AEBP2: variants seen among roughly 807,000 people sequenced by gnomAD.
The protein encoded by AEBP2 is zinc finger protein AEBP2.
AEBP2 carries 10 observed loss-of-function variants against 50.8 expected under a neutral mutation model. That is an observed-to-expected ratio of 0.20 (90% CI 0.12 to 0.33). AEBP2 has a LOEUF of 0.33. AEBP2 is among the 10% of genes least tolerant of loss of function. The pLI, the probability that AEBP2 is intolerant of heterozygous loss-of-function variation, is 1.00. For synonymous variants in AEBP2, 296 were observed against 261.3 expected (o/e 1.13, Z -1.28); for missense variants, 570 against 688.0 (o/e 0.83, Z 1.92).
chr12:19,454,239 A>AT (rs1463533785), intron 1 of AEBP2, among the ~76,000 whole-genome samples: 4 of 152,142 alleles, frequency 2.6e-5, no homozygotes, highest in African/African-American at 9.7e-5. Context: ...AGGACGTTTT[A>AT]TTTGGAAGAC....
At chr12:19,415,023 C>G (rs984457689) in intron 1 of AEBP2, among the ~76,000 whole-genome samples, 2 of 151,428 alleles carry the variant, frequency 1.3e-5, no homozygotes, top group African/African-American at 2.4e-5. Flanking sequence ...ACTTTTCTAT[C>G]TATATGGATA....
chr12:19,456,626 T>C, intron 1 of AEBP2: 2 of 1,525,998 alleles, frequency 1.3e-6, no homozygotes, highest in South Asian at 2.2e-5. Flanking sequence ...AGCCAGCCGC[T>C]TCCATTGGTG....
rs142799569 is a variant in AEBP2, at chr12:19,518,862, A to G, written c.*745A>G. 63 of 501,044 alleles carry G rather than the reference A, an allele frequency of 1.3e-4. No homozygotes were observed. Among genetic ancestry groups the G allele is most frequent in the East Asian group, 1.1e-3 (32 of 27,868 alleles). The allele number at this position is 501,044 out of a possible 1,614,324, so 31.0% of individuals were successfully genotyped here. A position where few individuals can be genotyped will look rare whatever the true frequency, so the allele number is the denominator to read the frequency against. On this transcript the variant is annotated 3_prime_UTR_variant, in exon 8 of 8. Coordinates refer to ENST00000266508, the MANE Select transcript of AEBP2 (RefSeq NM_153207.5). ...GTACAGTATGTTAATATTTACCTAT[A>G]TAACTAATCTGTTAACGGTTTTTGA...
intron 1 of AEBP2, among the ~76,000 whole-genome samples, chr12:19,423,513 G>A (rs1371793203): frequency 6.6e-6 from 1 of 152,134 alleles, no homozygotes; most frequent in African/African-American, 2.4e-5. Context: ...TAATACATTT[G>A]GAATAATCTG....
chr12:19,456,702 T>C, intron 1 of AEBP2: 1 of 1,581,848 alleles, frequency 6.3e-7, no homozygotes, highest in African/African-American at 1.3e-5. Flanking sequence ...ATTCTTGACA[T>C]TGAAGCCCAC....
At chr12:19,415,350 A>AATATATATATATATATATATATAT (rs1565694765) in intron 1 of AEBP2, among the ~76,000 whole-genome samples, 1 of 28,512 alleles carries the variant, frequency 3.5e-5, no homozygotes. Context: ...AAAAAAAAAA[A>AATATATATATATATATATATATAT]ATATATATAT....
chr12:19,454,505 G>C (rs886478477), intron 1 of AEBP2, among the ~76,000 whole-genome samples: 3 of 152,148 alleles, frequency 2.0e-5, no homozygotes, highest in Admixed American at 6.5e-5. Flanking sequence ...CTTAAATTAG[G>C]GTGGTAGAAA....
At chr12:19,497,895 A>G (rs143113402) in intron 4 of AEBP2, among the ~76,000 whole-genome samples, 1 of 152,238 alleles carries the variant, frequency 6.6e-6, no homozygotes, top group Non-Finnish European at 1.5e-5. Flanking sequence ...CAAAATTGCC[A>G]AGAAGGAATA....
intron 1 of AEBP2, chr12:19,440,807 T>TATCCA: frequency 6.6e-7 from 1 of 1,511,436 alleles, no homozygotes; most frequent in African/African-American, 1.4e-5. Context: ...TGGTCTCGCC[T>TATCCA]GGATTTAACA....
chr12:19,484,184 A>G (rs114001498), intron 3 of AEBP2, among the ~76,000 whole-genome samples: 130 of 151,308 alleles, frequency 8.6e-4, no homozygotes, highest in African/African-American at 2.8e-3. Context: ...CCTCAGTTCA[A>G]TTGATTCTCA....
At chr12:19,456,376 G>A (rs949058060) in intron 1 of AEBP2, 3 of 1,366,106 alleles carry the variant, frequency 2.2e-6, no homozygotes, top group African/African-American at 1.4e-5. Flanking sequence ...CGACCCAGAG[G>A]TGGGTAGTCT....
At chr12:19,482,327 G>A (rs1948742581) in intron 3 of AEBP2, among the ~76,000 whole-genome samples, 1 of 152,164 alleles carries the variant, frequency 6.6e-6, no homozygotes, top group Non-Finnish European at 1.5e-5. Flanking sequence ...GAGTGAAGTG[G>A]ACTCTTTGGT....
chr12:19,439,848 AGGCCGAGGCGGT>A lies in AEBP2; in HGVS notation c.153_164del (p.Glu52_Ala55del), dbSNP rs749517939. ...GAGGAGGAGGAGGAAGAGGAGGCGGAGGCCGAGGCGGTGGCGGCGCTGCTGCTGAACGGCGGC... is the reference window on the plus strand; with the variant it reads ...GAGGAGGAGGAGGAAGAGGAGGCGGAGGCGGCGCTGCTGCTGAACGGCGGC... On this transcript the variant is annotated inframe_deletion, in exon 1 of 8. Coordinates refer to ENST00000266508, the MANE Select transcript of AEBP2 (RefSeq NM_153207.5). The A allele has an allele frequency of 1.3e-6, 2 of 1,489,768 alleles. No homozygotes were observed. The highest frequency in any genetic ancestry group is 8.9e-7 in the Non-Finnish European group (1 of 1,129,296). The allele number at this position is 1,489,768 out of a possible 1,614,324, so 92.3% of individuals were successfully genotyped here.
At position 19,518,355 on chromosome 12, in the gene AEBP2, C is replaced by T; in HGVS notation, c.*238C>T. The stretch of plus-strand genomic sequence containing the variant: ...ATATCCACATTTTCATGGAATGGTA[C>T]TGTGGGAGACTGAGCAAACACTCTT... On this transcript the variant is annotated 3_prime_UTR_variant, in exon 8 of 8. Transcript: ENST00000266508. The T allele has an allele frequency of 2.4e-6, 3 of 1,230,372 alleles. No homozygotes were observed. The highest frequency in any genetic ancestry group is 6.0e-5 in the South Asian group (2 of 33,132). 76.2% of individuals were successfully genotyped at this position (1,230,372 alleles called of 1,614,324 possible). A position where few individuals can be genotyped will look rare whatever the true frequency, so the allele number is the denominator to read the frequency against.
At position 19,518,508 on chromosome 12, in the gene AEBP2, G is replaced by T; in HGVS notation, c.*391G>T. On this transcript the variant is annotated 3_prime_UTR_variant, in exon 8 of 8. Transcript: ENST00000266508. The stretch of plus-strand genomic sequence containing the variant: ...TTGGAAAGAAAAACAATTACAACAT[G>T]TGCCCTTACAAATACCAAAAGCACT... 1.6e-6 allele frequency: 2 copies of T among 1,251,292 alleles called. No individual in the cohort carries two copies. Among genetic ancestry groups the T allele is most frequent in the Non-Finnish European group, 1.0e-6 (1 of 994,214 alleles). 77.5% of individuals were successfully genotyped at this position (1,251,292 alleles called of 1,614,324 possible).
intron 3 of AEBP2, 136 bp from the exon 4 acceptor site, chr12:19,493,664 C>T (rs1318872196): frequency 1.1e-5 from 9 of 797,846 alleles, no homozygotes; most frequent in South Asian, 6.7e-5. Flanking sequence ...ACTACTAGTC[C>T]CTTATGCTTC....
Position 19,415,671 on chromosome 12 carries a change from CAATACAA to C in AEBP2, c.-17+11456_-17+11462del, listed in dbSNP as rs879457291. On this transcript the variant is annotated intron_variant, in intron 1 of 3. Transcript: ENST00000538425. Reference sequence around the variant, plus strand: ...GAGATTAAATCAATACAATACAATACAATACAATACAATACAATACAATACAATACAA... The same window carrying C: ...GAGATTAAATCAATACAATACAATACTACAATACAATACAATACAATACAA... 4.6e-3 allele frequency among the ~76,000 whole-genome samples: 694 copies of C among 149,330 alleles called. 3 individuals are homozygous for C. The highest frequency in any genetic ancestry group is 7.3e-3 in the Non-Finnish European group (491 of 67,692).
At chr12:19,505,935 C>T (rs974272501) in intron 5 of AEBP2, among the ~76,000 whole-genome samples, 21 of 151,610 alleles carry the variant, frequency 1.4e-4, no homozygotes, top group African/African-American at 2.2e-4. Context: ...ACCACGATGC[C>T]TGGCTAATTT....
At chr12:19,462,816 A>G (rs1468585570) in intron 2 of AEBP2, 99 bp downstream of exon 2, 38 of 1,074,142 alleles carry the variant, frequency 3.5e-5, no homozygotes, top group African/African-American at 4.8e-5. Context: ...ATTTGGGATT[A>G]TTTTTACACA....
Sources: allele counts gnomAD v4.1 joint callset (sites outside exome capture counted in the v4.1 genomes callset), GRCh38; gene constraint gnomAD v4.1.1; transcripts MANE v1.5; gene names NCBI Gene and HGNC (gene_info 2026-07-23, HGNC 2026-07-21).